Variants in ZBBX observed in about 807,000 individuals in gnomAD.
ZBBX encodes the protein zinc finger B-box domain-containing protein 1.
A neutral mutation model predicts 108.5 loss-of-function variants in ZBBX; 101 were observed. That is an observed-to-expected ratio of 0.93 (90% CI 0.79 to 1.10). ZBBX has a LOEUF of 1.10. Among genes scored for constraint, ZBBX ranks in the 50% least tolerant of loss-of-function variants. The pLI is 0.00. For missense variants in ZBBX, 1,009 were observed against 941.4 expected, an observed-to-expected ratio of 1.07 and a Z score of -0.94; for synonymous variants, 356 against 323.4, an observed-to-expected ratio of 1.10 and a Z score of -1.08.
chr3:167,222,462 CA>C, the ZBBX span, among the ~76,000 whole-genome samples: 1 of 147,366 alleles, frequency 6.8e-6, no homozygotes, highest in East Asian at 2.0e-4. Flanking sequence ...TTAATGTGGA[CA>C]AAAAAAATAG....
chr3:167,354,599 G>T (rs534017832), intron 8 of ZBBX, among the ~76,000 whole-genome samples: 1 of 151,476 alleles, frequency 6.6e-6, no homozygotes, highest in African/African-American at 2.4e-5. Flanking sequence ...TCCTAAATCC[G>T]TAATTTTAAG....
rs1264939383 is a variant in ZBBX at position 167,298,305 on chromosome 3, C to T, written c.1879G>A (p.Glu627Lys). ...NNSSTRITLA[E>K]DREWIPDHSL... ...TTAGAAAAATGAGCTAGAAATTTACCTGCAAGTGTAATCCTAGTACTGGAA... is the reference window on the plus strand; with the variant it reads ...TTAGAAAAATGAGCTAGAAATTTACTTGCAAGTGTAATCCTAGTACTGGAA... The change falls in exon 18 of 22, where the codon GAA (glutamate) becomes AAA (lysine). Residue 627 changes from glutamate to lysine, a missense_variant and splice_region_variant. Transcript: ENST00000675490. The T allele has an allele frequency of 1.3e-6, 2 of 1,585,896 alleles. No individual in the cohort carries two copies. The highest frequency in any genetic ancestry group is 1.7e-6 in the Non-Finnish European group (2 of 1,168,058).
intron 1 of ZBBX, among the ~76,000 whole-genome samples, chr3:167,396,143 C>A (rs563336503): frequency 5.3e-5 from 8 of 152,090 alleles, no homozygotes; most frequent in African/African-American, 1.9e-4. Flanking sequence ...CTAAGTTATG[C>A]TGACTGTATG....
At chr3:167,313,713 T>C (rs1402597968) in intron 16 of ZBBX, among the ~76,000 whole-genome samples, 2 of 152,196 alleles carry the variant, frequency 1.3e-5, no homozygotes, top group African/African-American at 2.4e-5. Context: ...AGGCCTTCCA[T>C]GTAATCTTTT....
chr3:167,265,839 C>T (rs1313977366), intron 20 of ZBBX, among the ~76,000 whole-genome samples: 1 of 152,188 alleles, frequency 6.6e-6, no homozygotes, highest in African/African-American at 2.4e-5. Context: ...TGGCTGAGCC[C>T]AGCACAGCTT....
intron 9 of ZBBX, among the ~76,000 whole-genome samples, chr3:167,336,265 C>A (rs1739535075): frequency 6.6e-6 from 1 of 151,514 alleles, no homozygotes. Context: ...AGTGAAAAAC[C>A]CACATTTTTT....
chr3:167,328,477 C>A (rs980459964), intron 10 of ZBBX, among the ~76,000 whole-genome samples: 3 of 151,482 alleles, frequency 2.0e-5, no homozygotes, highest in African/African-American at 2.4e-5. Flanking sequence ...CTTCTCATAT[C>A]AAAAAAACAG....
At chr3:167,393,227 C>G (rs1023315391) in intron 1 of ZBBX, among the ~76,000 whole-genome samples, 2 of 151,692 alleles carry the variant, frequency 1.3e-5, no homozygotes, top group African/African-American at 4.8e-5. Flanking sequence ...GACATAGTCC[C>G]CCTGCCAGTC....
chr3:167,180,605 AT>A, the ZBBX span, among the ~76,000 whole-genome samples: 1 of 152,188 alleles, frequency 6.6e-6, no homozygotes, highest in Non-Finnish European at 1.5e-5. Context: ...CACTGTGAAA[AT>A]TTTTTATGGG....
Position 167,389,461 on chromosome 3 carries a change from T to C in ZBBX, c.-445-9056A>G, listed in dbSNP as rs559296327. On this transcript the variant is annotated intron_variant, in intron 1 of 21. Coordinates refer to the ZBBX transcript ENST00000455345. ...CATATGTGTACATGTGTCTTTATAG[T>C]AGAATGATTTATAATCCTTTGGGTA... is the stretch of plus-strand genomic sequence containing the variant. Among the ~76,000 whole-genome samples the C allele has an allele frequency of 2.1e-4, 32 of 152,190 alleles. 1 individual carries two copies. The highest frequency in any genetic ancestry group is 7.5e-4 in the African/African-American group (31 of 41,560).
intron 1 of ZBBX, among the ~76,000 whole-genome samples, chr3:167,387,505 G>A (rs968591361): frequency 3.9e-5 from 6 of 151,956 alleles, no homozygotes; most frequent in African/African-American, 9.7e-5. Flanking sequence ...GGTATGGAGC[G>A]TGGGTGAAAT....
chr3:167,232,696 G>GT, the ZBBX span, among the ~76,000 whole-genome samples: 2,028 of 151,948 alleles, frequency 0.013, 22 homozygotes, highest in South Asian at 0.026. Flanking sequence ...TTCAGAGCTT[G>GT]TTAAATAGAC....
At chr3:167,407,300 G>A (rs1302346609) in intron 1 of ZBBX, among the ~76,000 whole-genome samples, 2 of 152,204 alleles carry the variant, frequency 1.3e-5, no homozygotes, top group Middle Eastern at 6.8e-3. Context: ...TGATATTAAT[G>A]CTAAAATATT....
chr3:167,334,250 A>C lies in ZBBX; in HGVS notation c.529-265T>G, dbSNP rs77619380. ...TCATCAAGGCAATTCTAAAACATAA[A>C]TATTTTTATCTGTTTTAGGAATTAA... is the stretch of plus-strand genomic sequence containing the variant. On this transcript the variant is annotated intron_variant, in intron 9 of 21. Transcript: ENST00000675490. Among the ~76,000 whole-genome samples the C allele has an allele frequency of 5.1e-3, 772 of 152,236 alleles. 9 individuals are homozygous for C. Among genetic ancestry groups the C allele is most frequent in the African/African-American group, 0.017 (687 of 41,544 alleles).
chr3:167,232,136 T>C, the ZBBX span, among the ~76,000 whole-genome samples: 3 of 151,804 alleles, frequency 2.0e-5, no homozygotes, highest in African/African-American at 4.8e-5. Context: ...TTTAGAAATA[T>C]GAAAAATTAA....
chr3:167,330,809 G>T (rs13066053), intron 10 of ZBBX, among the ~76,000 whole-genome samples: 2 of 142,576 alleles, frequency 1.4e-5, no homozygotes, highest in Non-Finnish European at 3.1e-5. Context: ...GAAGAAGAAG[G>T]AGGAGGAGAA....
chr3:167,383,833 G>A (rs548317258), upstream of ZBBX, among the ~76,000 whole-genome samples: 41 of 152,168 alleles, frequency 2.7e-4, no homozygotes, highest in African/African-American at 7.5e-4. Flanking sequence ...CAAAGACACC[G>A]TCTCTGTCCT....
At chr3:167,242,735 C>A in intron 20 of ZBBX, 92 bp from the exon 21 acceptor site, 1 of 1,121,342 alleles carries the variant, frequency 8.9e-7, no homozygotes, top group South Asian at 2.1e-5. Flanking sequence ...GAGTAAATTA[C>A]AGGCAATACA....
chr3:167,346,025 T>C (rs975503081), intron 9 of ZBBX, among the ~76,000 whole-genome samples: 1 of 151,928 alleles, frequency 6.6e-6, no homozygotes, highest in South Asian at 2.1e-4. Flanking sequence ...GAATGCTTTT[T>C]GTTTGTTTTC....
Sources: gnomAD v4.1 joint callset for allele counts (sites outside exome capture counted in the v4.1 genomes callset) on GRCh38, gnomAD v4.1.1 for gene constraint, MANE v1.5 for transcripts, NCBI Gene and HGNC (gene_info 2026-07-23, HGNC 2026-07-21) for gene names.